Variants in ZNF793 observed in about 807,000 individuals in gnomAD.
ZNF793 encodes the protein zinc finger protein 793.
ZNF793 carries 5 observed loss-of-function variants against 12.4 expected under a neutral mutation model. The observed-to-expected ratio is 0.40, with a 90% confidence interval of 0.21 to 0.84. The LOEUF is 0.84. Ranked by LOEUF, ZNF793 falls within the 40% of genes least tolerant of loss-of-function variation. The probability of loss-of-function intolerance (pLI) is 0.35; values close to 1 mark genes in which losing one functional copy is unlikely to be tolerated. For synonymous variants in ZNF793, 162 were observed against 172.4 expected, an observed-to-expected ratio of 0.94 and a Z score of 0.47; for missense variants, 456 against 495.0, an observed-to-expected ratio of 0.92 and a Z score of 0.75.
In ZNF793 at chr19:37,537,482, G is replaced by A. The variant is rs2042516325; in HGVS notation, c.824G>A (p.Arg275Lys). 6.2e-7 allele frequency: 1 copy of A among 1,614,008 alleles called. No homozygotes were observed. Among genetic ancestry groups the A allele is most frequent in the Non-Finnish European group, 8.5e-7 (1 of 1,179,916 alleles). ...SHKSTLIKHQ[R>K]IHTGVRPFEC... ...AAGTCAACCCTCATCAAACACCAGA[G>A]AATTCACACTGGGGTAAGACCCTTT... The change falls in exon 8 of 8, where the codon AGA (arginine) becomes AAA (lysine). Residue 275 changes from arginine (R) to lysine (K), a missense_variant. Physicochemically the swap from Arg to Lys is conservative, Grantham distance 26 (BLOSUM62 2). Transcript: ENST00000627814.
intron 7 of ZNF793, chr19:37,536,418 G>T: frequency 2.5e-6 from 1 of 399,670 alleles, no homozygotes; most frequent in Non-Finnish European, 4.4e-6. Flanking sequence ...CCACATGCTG[G>T]ATAGCAAGGT....
intron 2 of ZNF793, among the ~76,000 whole-genome samples, chr19:37,516,676 T>G: frequency 6.6e-6 from 1 of 152,012 alleles, no homozygotes; most frequent in East Asian, 1.9e-4. Context: ...ATTTTGATTC[T>G]TGCTCTGTCA....
intron 7 of ZNF793, chr19:37,535,799 C>T (rs1182892718): frequency 6.6e-6 from 1 of 152,194 alleles, no homozygotes; most frequent in Non-Finnish European, 1.5e-5. Context: ...GCTGGGATTA[C>T]AGGCGTGAGC....
chr19:37,530,375 T>G (rs2042449562), intron 5 of ZNF793, among the ~76,000 whole-genome samples: 1 of 152,190 alleles, frequency 6.6e-6, no homozygotes, highest in Non-Finnish European at 1.5e-5. Context: ...TGGGGGATGG[T>G]CAGGTCTTTC....
chr19:37,509,066 G>T (rs1467499387), intron 2 of ZNF793, among the ~76,000 whole-genome samples: 1 of 152,170 alleles, frequency 6.6e-6, no homozygotes, highest in African/African-American at 2.4e-5. Context: ...GCTGAGATGG[G>T]ATTGCAAATA....
chr19:37,537,732 G>C lies in ZNF793; in HGVS notation c.1074G>C (p.Trp358Cys). ...FSQKSCLNKH[W>C]RTHTGEKPYG... ...AGAAGTCATGCCTCAATAAACATTG[G>C]AGAACTCACACAGGAGAGAAGCCCT... is the stretch of plus-strand genomic sequence containing the variant. Residue 358 changes from tryptophan (W) to cysteine (C), a missense_variant, in exon 8 of 8, where the codon TGG becomes TGC. Physicochemically the swap from Trp to Cys is radical, Grantham distance 215 (BLOSUM62 -2). Transcript: ENST00000627814. The C allele has an allele frequency of 6.2e-7, 1 of 1,614,052 alleles. No homozygotes were observed. Among genetic ancestry groups the C allele is most frequent in the Non-Finnish European group, 8.5e-7 (1 of 1,179,974 alleles).
rs149137479 is a variant in ZNF793, at chr19:37,520,575, C to T, written c.-147+263C>T. On this transcript the variant is annotated intron_variant, in intron 3 of 7. Coordinates refer to ENST00000627814, the MANE Select transcript of ZNF793 (RefSeq NM_001013659.3). ...GAAGGGAGGATGGTTGGCCCAAGAT[C>T]CAGGAAGACAGAGTGAAGGGAGAGG... is the stretch of plus-strand genomic sequence containing the variant. Among the ~76,000 whole-genome samples, 289 of 152,298 alleles carry T rather than the reference C, an allele frequency of 1.9e-3. 2 individuals carry two copies. Among genetic ancestry groups the T allele is most frequent in the Middle Eastern group, 6.8e-3 (2 of 294 alleles).
chr19:37,508,597 T>C (rs1181506280), intron 2 of ZNF793, among the ~76,000 whole-genome samples, 194 bp downstream of exon 2: 1 of 152,022 alleles, frequency 6.6e-6, no homozygotes, highest in Admixed American at 6.6e-5. Context: ...TCCCAGCTAC[T>C]CTGGAGGCTG....
At position 37,538,333 on chromosome 19, in the gene ZNF793, T is replaced by C. The variant is rs1420238673; in HGVS notation, c.*454T>C. ...GTATTCTCTGTTTCCCAGGCTGGAG[T>C]GCAATGGCACTATCTCGGCTCACTG... On this transcript the variant is annotated 3_prime_UTR_variant, in exon 8 of 8. Coordinates refer to ENST00000627814, the MANE Select transcript of ZNF793 (RefSeq NM_001013659.3). 1 of 154,000 alleles carries C rather than the reference T, an allele frequency of 6.5e-6. No individual in the cohort carries two copies. The highest frequency in any genetic ancestry group is 2.4e-5 in the African/African-American group (1 of 41,404). 9.5% of individuals were successfully genotyped at this position (154,000 alleles called of 1,614,324 possible).
chr19:37,534,613 G>A (rs2042489709), intron 7 of ZNF793: 1 of 151,478 alleles, frequency 6.6e-6, no homozygotes, highest in African/African-American at 2.4e-5. Flanking sequence ...CACTCTAACT[G>A]TTCCATTCAT....
chr19:37,523,330 A>G (rs763595808), intron 4 of ZNF793, 80 bp from the exon 5 acceptor site: 17 of 1,173,874 alleles, frequency 1.4e-5, no homozygotes, highest in Non-Finnish European at 2.0e-5. Context: ...GGAATTTGCA[A>G]TTTCCAAGAC....
chr19:37,537,628 T>A lies in ZNF793; in HGVS notation c.970T>A (p.Ser324Thr). Residue 324 changes from serine (S) to threonine (T), a missense_variant, in exon 8 of 8, where the codon TCA (serine) becomes ACA (threonine). Transcript: ENST00000627814. ...ATGCGGGAAATCGTTTGGTGAGAAG[T>A]CATACCTCAATGTACATCGAAAAAT... is the stretch of plus-strand genomic sequence containing the variant. The part of the protein sequence containing the change: ...SECGKSFGEK[S>T]YLNVHRKMHT... 1.9e-6 allele frequency: 3 copies of A among 1,614,058 alleles called. No homozygotes were observed. The highest frequency in any genetic ancestry group is 2.5e-6 in the Non-Finnish European group (3 of 1,179,986).
intron 5 of ZNF793, among the ~76,000 whole-genome samples, chr19:37,526,918 AT>A (rs527736441): frequency 6.6e-6 from 1 of 151,982 alleles, no homozygotes; most frequent in African/African-American, 2.4e-5. Flanking sequence ...CTGAGTCCCC[AT>A]TTTTTGTCCT....
chr19:37,525,912 G>A (rs1372990094), intron 5 of ZNF793, among the ~76,000 whole-genome samples: 1 of 152,072 alleles, frequency 6.6e-6, no homozygotes, highest in Non-Finnish European at 1.5e-5. Flanking sequence ...CTTATTCCTG[G>A]GAATGTCTCA....
At chr19:37,508,152 A>G (rs1323816665) in intron 1 of ZNF793, 113 bp from the exon 2 acceptor site, 1 of 152,210 alleles carries the variant, frequency 6.6e-6, no homozygotes, top group Non-Finnish European at 1.5e-5. Context: ...AATAATGAAA[A>G]TAATTTGAAA....
In ZNF793 at chr19:37,541,265, G is replaced by C. The variant is rs769985358; in HGVS notation, c.*3386G>C. On this transcript the variant is annotated 3_prime_UTR_variant, in exon 8 of 8. Coordinates refer to ENST00000627814, the MANE Select transcript of ZNF793 (RefSeq NM_001013659.3). ...AAAAATAAATTCTGGGTGGCTTTAA[G>C]ACGTAAAATTTTAAAGCAACAGAAT... 1 of 152,182 alleles carries C rather than the reference G, an allele frequency of 6.6e-6. No individual in the cohort carries two copies. Among genetic ancestry groups the C allele is most frequent in the Non-Finnish European group, 1.5e-5 (1 of 68,036 alleles). The allele number at this position is 152,182 out of a possible 1,614,324, so 9.4% of individuals were successfully genotyped here. A position where few individuals can be genotyped will look rare whatever the true frequency, so the allele number is the denominator to read the frequency against.
At position 37,539,860 on chromosome 19, in the gene ZNF793, A is replaced by G. The variant is rs1199347191; in HGVS notation, c.*1981A>G. On this transcript the variant is annotated 3_prime_UTR_variant, in exon 8 of 8. Transcript: ENST00000627814. ...CTCAGAAGAGTTCATGCTTAGTTCT[A>G]TCTTTTAAAGAAAGAGTAATACCAG... 2 of 152,208 alleles carry G rather than the reference A, an allele frequency of 1.3e-5. No homozygotes were observed. The highest frequency in any genetic ancestry group is 1.3e-4 in the Admixed American group (2 of 15,280). 9.4% of individuals were successfully genotyped at this position (152,208 alleles called of 1,614,324 possible).
At position 37,540,647 on chromosome 19, in the gene ZNF793, T is replaced by G. The variant is rs1209116398; in HGVS notation, c.*2768T>G. 6.6e-6 allele frequency: 1 copy of G among 151,740 alleles called. No homozygotes were observed. Among genetic ancestry groups the G allele is most frequent in the African/African-American group, 2.4e-5 (1 of 41,362 alleles). 9.4% of individuals were successfully genotyped at this position (151,740 alleles called of 1,614,324 possible). A position where few individuals can be genotyped will look rare whatever the true frequency, so the allele number is the denominator to read the frequency against. On this transcript the variant is annotated 3_prime_UTR_variant, in exon 8 of 8. Coordinates refer to ENST00000627814, the MANE Select transcript of ZNF793 (RefSeq NM_001013659.3). Reference sequence around the variant, plus strand: ...AGGAATTCAATATTGGCTTAGAGATTCCAGTGAAGGCAATAAAAAGAAATG... The same window carrying G: ...AGGAATTCAATATTGGCTTAGAGATGCCAGTGAAGGCAATAAAAAGAAATG...
Position 37,540,905 on chromosome 19 carries a change from A to T in ZNF793, c.*3026A>T, listed in dbSNP as rs2042547872. 1 of 152,086 alleles carries T rather than the reference A, an allele frequency of 6.6e-6. No individual in the cohort carries two copies. 9.4% of individuals were successfully genotyped at this position (152,086 alleles called of 1,614,324 possible). ...ATCATTGAAAAAAATATATGAAAAA[A>T]ATCATACCATGTATAAAAACATCAC... On this transcript the variant is annotated 3_prime_UTR_variant, in exon 8 of 8. Coordinates refer to ENST00000627814, the MANE Select transcript of ZNF793 (RefSeq NM_001013659.3).
Sources: gnomAD v4.1 joint callset for allele counts (sites outside exome capture counted in the v4.1 genomes callset) on GRCh38, gnomAD v4.1.1 for gene constraint, MANE v1.5 for transcripts, NCBI Gene and HGNC (gene_info 2026-07-23, HGNC 2026-07-21) for gene names.